The following GLUD1 variants were observed in gnomAD, a reference collection of about 807,000 sequenced individuals.
GLUD1 encodes glutamate dehydrogenase 1, also known as glutamate dehydrogenase 1, mitochondrial.
GLUD1 carries 22 observed loss-of-function variants against 56.0 expected under a neutral mutation model. That is an observed-to-expected ratio of 0.39 (90% CI 0.28 to 0.56). The LOEUF (loss-of-function observed/expected upper bound fraction) is 0.56, where lower values mean the gene tolerates loss of function less well. Ranked by LOEUF, GLUD1 falls within the 20% of genes least tolerant of loss-of-function variation. GLUD1 has a pLI of 0.58. For missense variants in GLUD1, 451 were observed against 732.0 expected (o/e 0.62, Z 4.43); for synonymous variants, 223 against 269.9 (o/e 0.83, Z 1.70).
At chr10:87,062,900 T>C in intron 5 of GLUD1, 65 bp from the exon 6 acceptor site, 3 of 1,429,258 alleles carry the variant, frequency 2.1e-6, no homozygotes, top group Non-Finnish European at 2.9e-6. Context: ...AGGAACATAA[T>C]GAATTAAAGT....
intron 4 of GLUD1, among the ~76,000 whole-genome samples, chr10:87,070,270 T>C (rs183385377): frequency 4.0e-4 from 60 of 151,030 alleles, no homozygotes; most frequent in Non-Finnish European, 7.1e-4. Context: ...CTGGGCAACA[T>C]AGTGAGATCC....
intron 1 of GLUD1, among the ~76,000 whole-genome samples, chr10:87,080,028 A>C (rs1239093440): frequency 6.6e-6 from 1 of 150,968 alleles, no homozygotes; most frequent in Non-Finnish European, 1.5e-5. Context: ...AGCTCACTGC[A>C]ACCTCCCTGC....
intron 5 of GLUD1, among the ~76,000 whole-genome samples, chr10:87,063,068 TG>T (rs150172682): frequency 0.11 from 14,401 of 128,502 alleles, 712 homozygotes; most frequent in Non-Finnish European, 0.15. Context: ...TTTTTTTTTT[TG>T]TTTGTTTGTT....
At chr10:87,059,980 G>A (rs990991205) in intron 9 of GLUD1, among the ~76,000 whole-genome samples, 181 bp downstream of exon 9, 1 of 152,136 alleles carries the variant, frequency 6.6e-6, no homozygotes, top group African/African-American at 2.4e-5. Flanking sequence ...TAAATGTTTC[G>A]ATCAAAGTGA....
chr10:87,057,604 C>T (rs1225538386), intron 11 of GLUD1, 87 bp downstream of exon 11: 10 of 798,560 alleles, frequency 1.3e-5, no homozygotes, highest in East Asian at 7.3e-5. Flanking sequence ...AAGACTATGC[C>T]GCAGATGAAA....
chr10:87,079,937 TCTC>T (rs1841166038), intron 1 of GLUD1, among the ~76,000 whole-genome samples: 1 of 37,368 alleles, frequency 2.7e-5, no homozygotes, highest in Non-Finnish European at 4.8e-5. Flanking sequence ...CCCCTCTCCC[TCTC>T]CCTCTCCCCA....
chr10:87,074,060 A>C (rs1846314453), intron 4 of GLUD1, among the ~76,000 whole-genome samples: 1 of 152,210 alleles, frequency 6.6e-6, no homozygotes, highest in Non-Finnish European at 1.5e-5. Context: ...TAAAGGGTAC[A>C]TGACAAATAC....
At position 87,050,882 on chromosome 10, in the gene GLUD1, C is replaced by T. The variant is rs1174438019; in HGVS notation, c.*869G>A. 1 of 152,194 alleles carries T rather than the reference C, an allele frequency of 6.6e-6. No homozygotes were observed. The highest frequency in any genetic ancestry group is 2.4e-5 in the African/African-American group (1 of 41,444). The allele number at this position is 152,194 out of a possible 1,614,324, so 9.4% of individuals were successfully genotyped here. On this transcript the variant is annotated 3_prime_UTR_variant, in exon 13 of 13. Coordinates refer to ENST00000277865, the MANE Select transcript of GLUD1 (RefSeq NM_005271.5). Reference sequence around the variant, plus strand: ...ATTGTTTAATTAGTCAACCATAGATCTTCAAAAGAGAACAATTAGTTAACA... The same window carrying T: ...ATTGTTTAATTAGTCAACCATAGATTTTCAAAAGAGAACAATTAGTTAACA...
chr10:87,088,634 C>T (rs925156241), intron 1 of GLUD1, among the ~76,000 whole-genome samples: 4 of 152,022 alleles, frequency 2.6e-5, no homozygotes, highest in African/African-American at 7.2e-5. Flanking sequence ...TAATGACAAA[C>T]GATAAAAGAA....
chr10:87,081,682 T>C (rs1229797354), intron 1 of GLUD1, among the ~76,000 whole-genome samples: 2 of 152,132 alleles, frequency 1.3e-5, no homozygotes. Flanking sequence ...ATGTGCTGTG[T>C]CCACTCAGGG....
intron 5 of GLUD1, among the ~76,000 whole-genome samples, chr10:87,066,446 C>A (rs1487213081): frequency 6.6e-6 from 1 of 152,156 alleles, no homozygotes; most frequent in East Asian, 1.9e-4. Flanking sequence ...TTTCTACTGG[C>A]CTTTCTTATC....
rs757850216 is a variant in GLUD1 at position 87,059,244 on chromosome 10, T to C, written c.1308A>G (p.Thr436=). The change falls in exon 10 of 13, where the codon ACA becomes ACG. Residue 436 remains threonine (T), a synonymous_variant. Transcript: ENST00000277865. ...TCTTCAGCCACTCAAAGTAAGATAC[T>C]GTCACTCCTCCAGCATTCAAGTAGA... ...PDLYLNAGGV[T]VSYFEWLKNL... is the part of the protein sequence containing the mutation. 5 of 1,613,518 alleles carry C rather than the reference T, an allele frequency of 3.1e-6. No homozygotes were observed. In the African/African-American group the frequency reaches 5.3e-5, roughly 17 times the overall value.
rs1340381250 is a variant in GLUD1 at position 87,075,972 on chromosome 10, T to C, written c.578A>G (p.Tyr193Cys). ...AAATATCACTTTCATACTTACAGTA[T>C]AGTTCTTGGGATTGATCTTAACACC... is the stretch of plus-strand genomic sequence containing the variant. ...KAGVKINPKNYTDNELEKITR... is the reference protein window; with the variant it reads ...KAGVKINPKNCTDNELEKITR... Residue 193 changes from tyrosine (Y) to cysteine (C), a missense_variant, in exon 3 of 13, where the codon TAT becomes TGT. Physicochemically the swap from Tyr to Cys is radical, Grantham distance 194. This residue lies in a region of GLUD1 where 248 missense variants were observed against 460.0 expected (regional missense o/e 0.54). Coordinates refer to ENST00000277865, the MANE Select transcript of GLUD1 (RefSeq NM_005271.5). The C allele has an allele frequency of 1.9e-6, 3 of 1,577,870 alleles. No homozygotes were observed. Among genetic ancestry groups the C allele is most frequent in the South Asian group, 2.2e-5 (2 of 90,406 alleles).
At position 87,094,468 on chromosome 10, in the gene GLUD1, C is replaced by G; in HGVS notation, c.302G>C (p.Arg101Pro). 3 of 1,613,722 alleles carry G rather than the reference C, an allele frequency of 1.9e-6. No homozygotes were observed. The highest frequency in any genetic ancestry group is 2.5e-6 in the Non-Finnish European group (3 of 1,179,972). The change falls in exon 1 of 13, where the codon CGG (arginine) becomes CCG (proline). Residue 101 changes from arginine (R) to proline (P), a missense_variant. Physicochemically the swap from Arg to Pro is moderately radical, Grantham distance 103. Around this residue, in one of 4 missense-constraint regions of GLUD1, gnomAD observed 158 missense variants for 189.7 expected, o/e 0.83. Transcript: ENST00000277865. This position sits in a 1 kb window ranked among gnomAD's most constrained non-coding sequence, Gnocchi z 6.6. ...GATGATCCGCAGGATGCCGCGCACC[C>G]GGTTCCGCTTCTGCTCCTCGCTCTC... ...TRESEEQKRN[R>P]VRGILRIIKP...
chr10:87,087,962 TC>T lies in GLUD1; in HGVS notation c.445+6362del, dbSNP rs1461346324. On this transcript the variant is annotated intron_variant, in intron 1 of 12. Transcript: ENST00000277865. ...TAGGTGAGGTGGTGCATGCCTGTAA[TC>T]CCAGCTACTTGGTAGGCTGAGGCAG... is the stretch of plus-strand genomic sequence containing the variant. 2.0e-5 allele frequency among the ~76,000 whole-genome samples: 3 copies of T among 152,226 alleles called. No individual in the cohort carries two copies. In the East Asian group the frequency reaches 5.8e-4, roughly 29 times the overall value.
chr10:87,068,162 G>T lies in GLUD1; in HGVS notation c.647-5C>A, dbSNP rs201611802. ...CAGGCACATCAATGCCAGGACCTGC[G>T]GGGGCACAGGGAAAGAGGAGTGCAC... On this transcript the variant is annotated splice_polypyrimidine_tract_variant and splice_region_variant and intron_variant, in intron 4 of 12. Coordinates refer to ENST00000277865, the MANE Select transcript of GLUD1 (RefSeq NM_005271.5). 6.3e-7 allele frequency: 1 copy of T among 1,584,308 alleles called. No individual in the cohort carries two copies. The highest frequency in any genetic ancestry group is 8.7e-7 in the Non-Finnish European group (1 of 1,152,906).
In GLUD1 at chr10:87,094,706, C is replaced by T; in HGVS notation, c.64G>A (p.Ala22Thr). The T allele has an allele frequency of 6.7e-7, 1 of 1,502,108 alleles. No homozygotes were observed. Among genetic ancestry groups the T allele is most frequent in the Admixed American group, 2.2e-5 (1 of 45,802 alleles). The allele number at this position is 1,502,108 out of a possible 1,614,324, so 93.0% of individuals were successfully genotyped here. Reference protein sequence around the residue: ...SRAGPAALGSASADSAALLGW... With the variant: ...SRAGPAALGSTSADSAALLGW... ...AGCAACGCGGCCGAGTCGGCGGACG[C>T]CGAGCCCAGGGCAGCGGGCCCGGCC... is the stretch of plus-strand genomic sequence containing the variant. The change falls in exon 1 of 13, where the codon GCG becomes ACG. Residue 22 changes from alanine (A) to threonine (T), a missense_variant. Coordinates refer to ENST00000277865, the MANE Select transcript of GLUD1 (RefSeq NM_005271.5). The surrounding 1 kb of genome is among the most constrained non-coding windows in gnomAD (Gnocchi z 6.6).
In GLUD1 at chr10:87,062,840, A is replaced by G. The variant is rs1845970885; in HGVS notation, c.742-5T>C. On this transcript the variant is annotated splice_polypyrimidine_tract_variant and splice_region_variant and intron_variant, in intron 5 of 12. Coordinates refer to ENST00000277865, the MANE Select transcript of GLUD1 (RefSeq NM_005271.5). ...ACAGGCGTGTGCATTAATATCCTGT[A>G]AGAGGGGGTAATTGAAAGAATGAAA... is the stretch of plus-strand genomic sequence containing the variant. 6.2e-7 allele frequency: 1 copy of G among 1,613,036 alleles called. No individual in the cohort carries two copies. The highest frequency in any genetic ancestry group is 1.7e-5 in the Admixed American group (1 of 60,014).
chr10:87,087,006 G>T (rs912644589), intron 1 of GLUD1, among the ~76,000 whole-genome samples: 2 of 151,998 alleles, frequency 1.3e-5, no homozygotes, highest in African/African-American at 2.4e-5. Context: ...ACAGCTCAAG[G>T]GCTCAGTCGC....
Sources: allele counts gnomAD v4.1 joint callset (sites outside exome capture counted in the v4.1 genomes callset), GRCh38; gene constraint gnomAD v4.1.1; regional missense constraint gnomAD v4.1.1; non-coding constraint Gnocchi (gnomAD v3.1); transcripts MANE v1.5; gene names NCBI Gene and HGNC (gene_info 2026-07-23, HGNC 2026-07-21).